The following CPXM2 variants were observed in gnomAD, a reference collection of about 807,000 sequenced individuals.
CPXM2 encodes inactive carboxypeptidase-like protein X2.
In CPXM2, 66 loss-of-function variants were observed where a neutral mutation model predicts 86.1. The observed-to-expected ratio is 0.77, with a 90% CI of 0.63 to 0.94. The LOEUF (loss-of-function observed/expected upper bound fraction) is 0.94, where lower values mean the gene tolerates loss of function less well. Ranked by LOEUF, CPXM2 falls within the 40% of genes least tolerant of loss-of-function variation. CPXM2 has a pLI of 0.00. For synonymous variants in CPXM2, 388 were observed against 400.2 expected (o/e 0.97, Z 0.36); for missense variants, 948 against 1,026.3 (o/e 0.92, Z 1.04).
chr10:123,888,257 C>T (rs930273757), intron 1 of CPXM2, among the ~76,000 whole-genome samples: 1 of 152,178 alleles, frequency 6.6e-6, no homozygotes, highest in Non-Finnish European at 1.5e-5. Flanking sequence ...CACCTTTATG[C>T]AAAACAAGAG....
chr10:123,806,775 T>C (rs1194078958), intron 4 of CPXM2, among the ~76,000 whole-genome samples: 2 of 152,166 alleles, frequency 1.3e-5, no homozygotes, highest in East Asian at 3.9e-4. Flanking sequence ...AAACTGCCAC[T>C]TATGAAACCA....
chr10:123,754,624 T>C lies in CPXM2; in HGVS notation c.2017+39A>G. 8.9e-7 allele frequency: 1 copy of C among 1,126,882 alleles called. No homozygotes were observed. The highest frequency in any genetic ancestry group is 1.4e-6 in the Non-Finnish European group (1 of 737,914). The allele number at this position is 1,126,882 out of a possible 1,614,324, so 69.8% of individuals were successfully genotyped here. Reference sequence around the variant, plus strand: ...AGTAAAATGCCTAAAAAAATGGGTATTTCTTACCAAGAGACAGTCTGCACA... The same window carrying C: ...AGTAAAATGCCTAAAAAAATGGGTACTTCTTACCAAGAGACAGTCTGCACA... On this transcript the variant is annotated intron_variant, in intron 13 of 13. Coordinates refer to ENST00000241305, the MANE Select transcript of CPXM2 (RefSeq NM_198148.3). The surrounding 1 kb of genome is among the most constrained non-coding windows in gnomAD (Gnocchi z 4.0).
chr10:123,822,726 A>ATAATAATAG (rs1388128484), intron 4 of CPXM2, among the ~76,000 whole-genome samples: 30 of 3,726 alleles, frequency 8.1e-3, no homozygotes, highest in African/African-American at 0.011. Flanking sequence ...GGACCTGAAA[A>ATAATAATAG]TAATAATAAT....
At chr10:123,935,914 CCAT>C (rs1945712688) in intron 2 of CPXM2, among the ~76,000 whole-genome samples, 1 of 150,726 alleles carries the variant, frequency 6.6e-6, no homozygotes, top group Non-Finnish European at 1.5e-5. Context: ...AGCATCTTCA[CCAT>C]CATCACCACA....
intron 2 of CPXM2, among the ~76,000 whole-genome samples, chr10:123,923,734 T>C (rs1165442338): frequency 6.6e-6 from 1 of 152,206 alleles, no homozygotes; most frequent in South Asian, 2.1e-4. Flanking sequence ...CAGTGGGAGA[T>C]AATTGAATCA....
intron 2 of CPXM2, among the ~76,000 whole-genome samples, chr10:123,923,209 G>A (rs142171709): frequency 5.8e-4 from 89 of 152,304 alleles, no homozygotes; most frequent in Non-Finnish European, 9.7e-4. Context: ...AAAGTGGAGC[G>A]ACCATGCTAA....
chr10:123,792,005 C>T (rs576151818), intron 6 of CPXM2, among the ~76,000 whole-genome samples: 41 of 152,336 alleles, frequency 2.7e-4, no homozygotes, highest in African/African-American at 9.4e-4. Context: ...GTGTGACCTG[C>T]CATCTCAACC....
Position 123,854,383 on chromosome 10 carries a change from A to AT in CPXM2, c.513+8230dup, listed in dbSNP as rs1454682462. On this transcript the variant is annotated intron_variant, in intron 3 of 13. Coordinates refer to ENST00000241305, the MANE Select transcript of CPXM2 (RefSeq NM_198148.3). ...AAAAATATATATATATAATATATAT[A>AT]TAATATATATATTATATATATATTA... 7.1e-3 allele frequency among the ~76,000 whole-genome samples: 867 copies of AT among 121,396 alleles called. 7 individuals are homozygous for AT. Among genetic ancestry groups the AT allele is most frequent in the Non-Finnish European group, 0.012 (713 of 61,284 alleles). The allele number at this position is 121,396 out of a possible 152,430, so 79.6% of individuals were successfully genotyped here.
At chr10:123,764,046 A>C in intron 10 of CPXM2, among the ~76,000 whole-genome samples, 1 of 152,166 alleles carries the variant, frequency 6.6e-6, no homozygotes, top group East Asian at 1.9e-4. Context: ...TTTCCTTAGT[A>C]CTAGTGAGGT....
chr10:123,926,538 G>C (rs1945623064), intron 2 of CPXM2, among the ~76,000 whole-genome samples: 1 of 152,194 alleles, frequency 6.6e-6, no homozygotes, highest in Non-Finnish European at 1.5e-5. Context: ...CCAGGGCAGT[G>C]GTCCTTTTAA....
intron 1 of CPXM2, 109 bp from the exon 2 acceptor site, chr10:123,880,418 C>A (rs1945063991): frequency 1.5e-6 from 1 of 661,704 alleles, no homozygotes; most frequent in Non-Finnish European, 2.8e-6. Context: ...CCCTTCTGCT[C>A]CCCTGTCCCT....
At chr10:123,829,375 AT>A (rs61384081) in intron 4 of CPXM2, among the ~76,000 whole-genome samples, 70 of 148,138 alleles carry the variant, frequency 4.7e-4, no homozygotes, top group South Asian at 1.3e-3. Flanking sequence ...TGGAAAAAAA[AT>A]TTTTTTTTTT....
intron 3 of CPXM2, among the ~76,000 whole-genome samples, chr10:123,844,976 G>A (rs1335149547): frequency 4.6e-5 from 7 of 151,404 alleles, no homozygotes; most frequent in South Asian, 2.1e-4. Context: ...GCTGAGGCAG[G>A]AGAATCACTT....
chr10:123,909,093 C>A (rs766658942), intron 2 of CPXM2, among the ~76,000 whole-genome samples: 1 of 152,154 alleles, frequency 6.6e-6, no homozygotes, highest in African/African-American at 2.4e-5. Context: ...TAGGTTCAAG[C>A]TTTTGGCTGG....
In CPXM2 at chr10:123,768,636, A is replaced by G; in HGVS notation, c.1189T>C (p.Cys397Arg). 6.2e-7 allele frequency: 1 copy of G among 1,613,826 alleles called. No individual in the cohort carries two copies. Among genetic ancestry groups the G allele is most frequent in the South Asian group, 1.1e-5 (1 of 91,080 alleles). Residue 397 changes from cysteine to arginine, a missense_variant, in exon 9 of 14, where the codon TGT (cysteine) becomes CGT (arginine). Transcript: ENST00000241305. ...ELLLLLVQFV[C>R]QEYLARNARI... The stretch of plus-strand genomic sequence containing the variant: ...GCATTCCGGGCCAAGTACTCCTGAC[A>G]CACGAACTGCACCAGCAGCAGCAGC...
intron 4 of CPXM2, among the ~76,000 whole-genome samples, chr10:123,809,271 T>C (rs1027535872): frequency 4.6e-5 from 7 of 152,138 alleles, no homozygotes; most frequent in African/African-American, 1.7e-4. Flanking sequence ...GTGTTTCCTT[T>C]AAATGAAACG....
intron 4 of CPXM2, among the ~76,000 whole-genome samples, chr10:123,810,136 T>C (rs1290426310): frequency 1.3e-5 from 2 of 151,904 alleles, no homozygotes; most frequent in Admixed American, 1.3e-4. Context: ...AAAAGCATTA[T>C]TAGAGATAAA....
intron 4 of CPXM2, among the ~76,000 whole-genome samples, chr10:123,838,777 C>T (rs1848325898): frequency 6.6e-6 from 1 of 152,116 alleles, no homozygotes; most frequent in Non-Finnish European, 1.5e-5. Flanking sequence ...TGCCTGCGAC[C>T]CTGCAGAACC....
At chr10:123,883,963 T>C (rs554140492) in intron 1 of CPXM2, among the ~76,000 whole-genome samples, 56 of 152,308 alleles carry the variant, frequency 3.7e-4, no homozygotes, top group African/African-American at 1.2e-3. Flanking sequence ...CCCTTAAAAG[T>C]AGCAAACTGA....
Sources: gnomAD v4.1 joint callset for allele counts (sites outside exome capture counted in the v4.1 genomes callset) on GRCh38, gnomAD v4.1.1 for gene constraint, Gnocchi (gnomAD v3.1) non-coding constraint, MANE v1.5 for transcripts, NCBI Gene and HGNC (gene_info 2026-07-23, HGNC 2026-07-21) for gene names.